Variants in ELAPOR1 observed in about 807,000 individuals in gnomAD.
ELAPOR1 encodes endosome/lysosome-associated apoptosis and autophagy regulator 1.
In ELAPOR1, 77 loss-of-function variants were observed where a neutral mutation model predicts 119.7. That is an observed-to-expected ratio of 0.64 (90% CI 0.54 to 0.78). The LOEUF (loss-of-function observed/expected upper bound fraction) is 0.78, where lower values mean the gene tolerates loss of function less well. ELAPOR1 is among the 30% of genes least tolerant of loss of function. The pLI, the probability that ELAPOR1 is intolerant of heterozygous loss-of-function variation, is 0.00. For synonymous variants in ELAPOR1, 481 were observed against 487.2 expected (o/e 0.99, Z 0.17); for missense variants, 1,115 against 1,270.4 (o/e 0.88, Z 1.86).
chr1:109,177,837 GA>G (rs1209969126), intron 7 of ELAPOR1, among the ~76,000 whole-genome samples: 1 of 152,034 alleles, frequency 6.6e-6, no homozygotes, highest in Non-Finnish European at 1.5e-5. Flanking sequence ...GGTGGTTCTA[GA>G]AAAACTTCTC....
intron 7 of ELAPOR1, among the ~76,000 whole-genome samples, chr1:109,184,143 G>A (rs138613028): frequency 0.012 from 1,887 of 152,216 alleles, 33 homozygotes; most frequent in African/African-American, 0.042. Context: ...AGGCCGAGGA[G>A]GGCAGATCAC....
At position 109,114,330 on chromosome 1, in the gene ELAPOR1, CAA is replaced by C; in HGVS notation, c.149_150del (p.Lys50ArgfsTer3). 1 of 1,588,852 alleles carries C rather than the reference CAA, an allele frequency of 6.3e-7. No homozygotes were observed. The highest frequency in any genetic ancestry group is 8.6e-7 in the Non-Finnish European group (1 of 1,167,734). ...QGTGPELHAC[K>X]ESEYHYEYTA... ...GAACGGGACCGGAGCTTCATGCCTG[CAA>C]AGAGGTACTGCCGCCCCCCTACCCG... On this transcript the variant is annotated frameshift_variant, in exon 1 of 22. Transcript: ENST00000369939. LOFTEE classifies it high-confidence loss of function.
At chr1:109,174,810 G>A (rs1652163507) in intron 7 of ELAPOR1, among the ~76,000 whole-genome samples, 1 of 152,000 alleles carries the variant, frequency 6.6e-6, no homozygotes, top group Non-Finnish European at 1.5e-5. Flanking sequence ...CTGCCTCCCA[G>A]GTTCATGCCA....
chr1:109,189,508 A>T, intron 10 of ELAPOR1, 84 bp from the exon 11 acceptor site: 1 of 1,256,048 alleles, frequency 8.0e-7, no homozygotes, highest in Non-Finnish European at 1.2e-6. Flanking sequence ...ATGGTGTCAA[A>T]CCTCCCTTCC....
intron 1 of ELAPOR1, among the ~76,000 whole-genome samples, chr1:109,160,472 G>A (rs1345376635): frequency 6.6e-6 from 1 of 151,982 alleles, no homozygotes; most frequent in East Asian, 1.9e-4. Flanking sequence ...TTTAAGACAC[G>A]TCTTGATTTC....
At chr1:109,197,843 T>C in intron 16 of ELAPOR1, 136 bp from the exon 17 acceptor site, 1 of 990,440 alleles carries the variant, frequency 1.0e-6, no homozygotes. Context: ...GACAAACCCT[T>C]GTTTCACCCT....
chr1:109,168,561 A>G (rs951546333), intron 3 of ELAPOR1, among the ~76,000 whole-genome samples: 29 of 152,310 alleles, frequency 1.9e-4, no homozygotes, highest in African/African-American at 7.0e-4. Context: ...CTGGCCTGAG[A>G]TCAGAAACTA....
chr1:109,176,710 A>C (rs1456178755), intron 7 of ELAPOR1, among the ~76,000 whole-genome samples: 1 of 147,190 alleles, frequency 6.8e-6, no homozygotes, highest in African/African-American at 2.5e-5. Flanking sequence ...AGATAAACAA[A>C]TGAACAAAGG....
At chr1:109,147,396 A>G (rs1349426362) in intron 1 of ELAPOR1, among the ~76,000 whole-genome samples, 1 of 152,164 alleles carries the variant, frequency 6.6e-6, no homozygotes, top group East Asian at 1.9e-4. Context: ...GAAAAGGCAA[A>G]ACTTTGGAGA....
At chr1:109,189,755 G>A in intron 11 of ELAPOR1, 73 bp downstream of exon 11, 1 of 1,129,704 alleles carries the variant, frequency 8.9e-7, no homozygotes, top group Non-Finnish European at 1.3e-6. Flanking sequence ...TTGGAATATT[G>A]TAGAGGAGAG....
At position 109,200,771 on chromosome 1, in the gene ELAPOR1, T is replaced by C. The variant is rs747301145; in HGVS notation, c.2844T>C (p.Ala948=). ...AGTACTCCAAGCTGGTGATGAATGC[T>C]ACTCTCAAGGACTGTGACCTGCCAG... is the stretch of plus-strand genomic sequence containing the variant. The part of the protein sequence containing the change: ...EYKYSKLVMN[A]TLKDCDLPAA... The change falls in exon 21 of 22, where the codon GCT becomes GCC. Residue 948 remains alanine (A), a synonymous_variant. Coordinates refer to ENST00000369939, the MANE Select transcript of ELAPOR1 (RefSeq NM_020775.5). The C allele has an allele frequency of 6.2e-7, 1 of 1,614,230 alleles. No individual in the cohort carries two copies. The highest frequency in any genetic ancestry group is 2.2e-5 in the East Asian group (1 of 44,892).
intron 21 of ELAPOR1, among the ~76,000 whole-genome samples, chr1:109,202,259 C>T (rs969945116): frequency 2.6e-5 from 4 of 151,360 alleles, no homozygotes; most frequent in African/African-American, 9.7e-5. Flanking sequence ...ATTACAGGTG[C>T]TTGCCATCAC....
chr1:109,185,235 C>A, intron 8 of ELAPOR1, 102 bp downstream of exon 8: 1 of 894,142 alleles, frequency 1.1e-6, no homozygotes, highest in South Asian at 1.4e-5. Context: ...GACATTGGCA[C>A]TAGTTAAAAC....
At chr1:109,180,644 G>A (rs372899262) in intron 7 of ELAPOR1, among the ~76,000 whole-genome samples, 1 of 152,172 alleles carries the variant, frequency 6.6e-6, no homozygotes, top group Non-Finnish European at 1.5e-5. Context: ...TTTACCTTAA[G>A]CCCTGTCCCA....
At chr1:109,122,004 C>T (rs1648452418) in intron 1 of ELAPOR1, among the ~76,000 whole-genome samples, 1 of 151,648 alleles carries the variant, frequency 6.6e-6, no homozygotes, top group Non-Finnish European at 1.5e-5. Context: ...AAACTCCTGA[C>T]CTTGTGATCC....
At chr1:109,183,249 G>A (rs1652807843) in intron 7 of ELAPOR1, among the ~76,000 whole-genome samples, 1 of 150,532 alleles carries the variant, frequency 6.6e-6, no homozygotes, top group Non-Finnish European at 1.5e-5. Context: ...CACTTTGGGT[G>A]GGTGGCTGAG....
intron 7 of ELAPOR1, among the ~76,000 whole-genome samples, chr1:109,183,558 TTCCTTCCTTCC>T (rs1323159591): frequency 6.3e-4 from 11 of 17,510 alleles, no homozygotes; most frequent in African/African-American, 1.4e-3. Context: ...TTTTCCTTCC[TTCCTTCCTTCC>T]TTCCTTCCTT....
At chr1:109,178,260 C>A (rs957473554) in intron 7 of ELAPOR1, among the ~76,000 whole-genome samples, 3 of 152,172 alleles carry the variant, frequency 2.0e-5, no homozygotes, top group Non-Finnish European at 4.4e-5. Context: ...ATCCACCCGC[C>A]TTGGCCTCCC....
intron 15 of ELAPOR1, 132 bp downstream of exon 15, chr1:109,194,726 A>G (rs547350366): frequency 2.6e-5 from 19 of 718,260 alleles, no homozygotes; most frequent in African/African-American, 2.6e-4. Context: ...AGGTTTTTAC[A>G]TATTATTCTC....
Sources: gnomAD v4.1 joint callset for allele counts (sites outside exome capture counted in the v4.1 genomes callset) on GRCh38, gnomAD v4.1.1 for gene constraint, MANE v1.5 for transcripts, NCBI Gene and HGNC (gene_info 2026-07-23, HGNC 2026-07-21) for gene names.